Variants in UBTF observed in about 807,000 individuals in gnomAD.
UBTF encodes the protein nucleolar transcription factor 1.
In UBTF, 8 loss-of-function variants were observed where a neutral mutation model predicts 112.3. The ratio of observed to expected loss-of-function variants is 0.07; its 90% confidence interval spans 0.04 to 0.13. The LOEUF (loss-of-function observed/expected upper bound fraction) is 0.13. UBTF is among the 10% of genes least tolerant of loss of function. The pLI, the probability that UBTF is intolerant of heterozygous loss-of-function variation, is 1.00. For missense variants in UBTF, 457 were observed against 982.1 expected, an observed-to-expected ratio of 0.47 and a Z score of 7.15; for synonymous variants, 417 against 373.1, an observed-to-expected ratio of 1.12 and a Z score of -1.36.
intron 1 of UBTF, chr17:44,219,152 G>A (rs968094586): frequency 1.3e-5 from 2 of 150,750 alleles, no homozygotes; most frequent in Admixed American, 6.6e-5. Flanking sequence ...GCCGGGAGGC[G>A]GGGGCGCAGC....
chr17:44,211,779 C>A lies in UBTF; in HGVS notation c.906-32G>T. On this transcript the variant is annotated intron_variant, in intron 9 of 20. Transcript: ENST00000436088. The surrounding 1 kb of genome is among the most constrained non-coding windows in gnomAD (Gnocchi z 4.9). The stretch of plus-strand genomic sequence containing the variant: ...GAGCCGCGGGGAGAGAGGTGCAGCC[C>A]GTAAGCGAGCAGGGCAGCAGGCCTT... The A allele has an allele frequency of 6.3e-7, 1 of 1,599,770 alleles. No individual in the cohort carries two copies.
In UBTF at chr17:44,212,333, G is replaced by A. The variant is rs764765918; in HGVS notation, c.771+11C>T. On this transcript the variant is annotated intron_variant, in intron 8 of 20. Coordinates refer to ENST00000436088, the MANE Select transcript of UBTF (RefSeq NM_014233.4). ...AGAGCCGGACGGGGAGGAGCGCAGC[G>A]GAAGCCTAACCTCGTACTCCTTCCG... 7 of 1,608,976 alleles carry A rather than the reference G, an allele frequency of 4.4e-6. No individual in the cohort carries two copies. The highest frequency in any genetic ancestry group is 3.3e-5 in the South Asian group (3 of 90,952).
At position 44,210,214 on chromosome 17, in the gene UBTF, C is replaced by T; in HGVS notation, c.1536G>A (p.Leu512=). ...TATTCCAGGTCATTTCCATGGCTTTCAAGGCCTTCACCCGGTCATTCTGGG... is the reference window on the plus strand; with the variant it reads ...TATTCCAGGTCATTTCCATGGCTTTTAAGGCCTTCACCCGGTCATTCTGGG... ...ARFKNDRVKA[L]KAMEMTWNNM... The change falls in exon 15 of 21, where the codon TTG becomes TTA. Residue 512 remains leucine (L), a synonymous_variant. Transcript: ENST00000436088. The T allele has an allele frequency of 6.2e-7, 1 of 1,614,246 alleles. No homozygotes were observed. The highest frequency in any genetic ancestry group is 1.7e-5 in the Admixed American group (1 of 60,024).
At chr17:44,216,841 G>A in intron 2 of UBTF, 137 bp from the exon 3 acceptor site, 2 of 819,016 alleles carry the variant, frequency 2.4e-6, no homozygotes, top group Non-Finnish European at 4.0e-6. Context: ...GCACAGACAA[G>A]ATATGGCTCA....
chr17:44,210,569 C>T, intron 13 of UBTF, 96 bp from the exon 14 acceptor site: 4 of 1,446,902 alleles, frequency 2.8e-6, no homozygotes, highest in African/African-American at 2.9e-5. Flanking sequence ...CGGGCAGAAG[C>T]ATGGGCTGGT....
chr17:44,208,253 G>GCCAC (rs1280803675), intron 17 of UBTF, among the ~76,000 whole-genome samples: 1 of 151,958 alleles, frequency 6.6e-6, no homozygotes, highest in African/African-American at 2.4e-5. Context: ...ACAGGCATGT[G>GCCAC]CCACCACACC....
At chr17:44,213,329 AC>A (rs756676811) in intron 5 of UBTF, 47 bp from the exon 6 acceptor site, 1 of 1,574,058 alleles carries the variant, frequency 6.4e-7, no homozygotes, top group Non-Finnish European at 8.7e-7. Flanking sequence ...AGGGTATCTC[AC>A]CCTGAGCTAT....
In UBTF at chr17:44,211,552, A is replaced by G; in HGVS notation, c.1047+54T>C. The G allele has an allele frequency of 6.3e-7, 1 of 1,586,586 alleles. No homozygotes were observed. The highest frequency in any genetic ancestry group is 8.6e-7 in the Non-Finnish European group (1 of 1,167,940). ...CAGGGACTGACTGGCCCAAGATGGG[A>G]TCAGACCTCATGCTTCAAAACCCCA... On this transcript the variant is annotated intron_variant, in intron 10 of 20. Transcript: ENST00000436088. This position sits in a 1 kb window ranked among gnomAD's most constrained non-coding sequence, Gnocchi z 4.9.
In UBTF at chr17:44,207,914, G is replaced by A. The variant is rs1351814722; in HGVS notation, c.1906-3C>T. ...GCACGGTCCTGGGGAGACAGGCTCT[G>A]GGGGAGACAGAAGCGGCAAGGGTTG... On this transcript the variant is annotated splice_region_variant and splice_polypyrimidine_tract_variant and intron_variant, in intron 17 of 20. Transcript: ENST00000436088. 2 of 1,613,754 alleles carry A rather than the reference G, an allele frequency of 1.2e-6. No individual in the cohort carries two copies. Among genetic ancestry groups the A allele is most frequent in the Non-Finnish European group, 1.7e-6 (2 of 1,179,984 alleles).
In UBTF at chr17:44,219,538, C is replaced by G. The variant is rs1178389599; in HGVS notation, c.-161G>C. ...TCCCCCGCTCGGCCGGGCACAGCCG[C>G]AGCTCCCTCCCGCGGCGGCAGCGGC... On this transcript the variant is annotated 5_prime_UTR_variant, in exon 1 of 21. Transcript: ENST00000436088. 1 of 154,618 alleles carries G rather than the reference C, an allele frequency of 6.5e-6. No homozygotes were observed. Among genetic ancestry groups the G allele is most frequent in the African/African-American group, 2.4e-5 (1 of 41,358 alleles). The allele number at this position is 154,618 out of a possible 1,614,324, so 9.6% of individuals were successfully genotyped here.
intron 1 of UBTF, 42 bp from the exon 2 acceptor site, chr17:44,218,338 G>C: frequency 8.0e-7 from 1 of 1,253,292 alleles, no homozygotes; most frequent in Non-Finnish European, 1.1e-6. Flanking sequence ...AGGCTGAGAG[G>C]TGAACGACTA....
chr17:44,221,067 C>T (rs1199604435), upstream of UBTF: 2 of 151,120 alleles, frequency 1.3e-5, no homozygotes, highest in Non-Finnish European at 3.0e-5. Context: ...CACCCCTTCC[C>T]TCCCACTGCT....
chr17:44,217,540 A>C (rs1487686595), intron 2 of UBTF, among the ~76,000 whole-genome samples: 1 of 152,170 alleles, frequency 6.6e-6, no homozygotes. Context: ...AGAAGTCAAA[A>C]GGGCTCTCCA....
At position 44,208,270 on chromosome 17, in the gene UBTF, C is replaced by T. The variant is rs548988535; in HGVS notation, c.1906-359G>A. On this transcript the variant is annotated intron_variant, in intron 17 of 20. Coordinates refer to ENST00000436088, the MANE Select transcript of UBTF (RefSeq NM_014233.4). ...AGGCATGTGCCACCACACCATGCTA[C>T]CTTATAATTTTTTGTAGAGACAGCA... Among the ~76,000 whole-genome samples the T allele has an allele frequency of 4.6e-5, 7 of 152,014 alleles. 1 individual carries two copies. The South Asian group carries it at 1.5e-3, about 32-fold the overall frequency.
At chr17:44,212,976 C>T (rs372113892) in intron 6 of UBTF, 37 bp from the exon 7 acceptor site, 109 of 1,609,592 alleles carry the variant, frequency 6.8e-5, no homozygotes, top group South Asian at 8.8e-5. Context: ...CAGCAGGGGA[C>T]GCTGCCAGGG....
At chr17:44,221,035 C>T (rs942447022), upstream of UBTF, 1 of 151,224 alleles carries the variant, frequency 6.6e-6, no homozygotes, top group African/African-American at 2.4e-5. Context: ...GGCCCCTCCG[C>T]CTCCTCCGGG....
chr17:44,214,782 C>G (rs1598256582), intron 5 of UBTF, among the ~76,000 whole-genome samples: 1 of 152,148 alleles, frequency 6.6e-6, no homozygotes, highest in Non-Finnish European at 1.5e-5. Context: ...GACTTTGTTT[C>G]CTCTCCAAGC....
At position 44,211,019 on chromosome 17, in the gene UBTF, C is replaced by T. The variant is rs781191286; in HGVS notation, c.1203+20G>A. On this transcript the variant is annotated intron_variant, in intron 12 of 20. Transcript: ENST00000436088. This position sits in a 1 kb window ranked among gnomAD's most constrained non-coding sequence, Gnocchi z 4.9. Reference sequence around the variant, plus strand: ...CCAGTCTTGCCCACCCCCGCCTGCGCGGCCGCACCCTCTGCCCACCTTGCC... The same window carrying T: ...CCAGTCTTGCCCACCCCCGCCTGCGTGGCCGCACCCTCTGCCCACCTTGCC... 7 of 1,605,218 alleles carry T rather than the reference C, an allele frequency of 4.4e-6. No homozygotes were observed. The highest frequency in any genetic ancestry group is 2.2e-5 in the East Asian group (1 of 44,830).
chr17:44,212,997 C>G, intron 6 of UBTF, 58 bp from the exon 7 acceptor site: 3 of 1,595,220 alleles, frequency 1.9e-6, no homozygotes, highest in Non-Finnish European at 2.6e-6. Flanking sequence ...CAGACTCAAG[C>G]TAGCTGCCCC....
Sources: allele counts gnomAD v4.1 joint callset (sites outside exome capture counted in the v4.1 genomes callset), GRCh38; gene constraint gnomAD v4.1.1; non-coding constraint Gnocchi (gnomAD v3.1); transcripts MANE v1.5; gene names NCBI Gene and HGNC (gene_info 2026-07-23, HGNC 2026-07-21).